Variants in MROH9 observed in about 807,000 individuals in gnomAD.
MROH9 encodes the protein maestro heat-like repeat-containing protein family member 9.
MROH9 carries 92 observed loss-of-function variants against 98.2 expected under a neutral mutation model. The ratio of observed to expected loss-of-function variants is 0.94; its 90% CI spans 0.79 to 1.11. The LOEUF is 1.11. Among genes scored for constraint, MROH9 ranks in the 50% most tolerant of loss-of-function variants. MROH9 has a pLI of 0.00. For missense variants in MROH9, 1,057 were observed against 1,014.8 expected, an observed-to-expected ratio of 1.04 and a Z score of -0.57; for synonymous variants, 397 against 368.9, an observed-to-expected ratio of 1.08 and a Z score of -0.87.
intron 20 of MROH9, among the ~76,000 whole-genome samples, chr1:171,058,514 A>G (rs1653918552): frequency 6.6e-6 from 1 of 152,152 alleles, no homozygotes; most frequent in Non-Finnish European, 1.5e-5. Context: ...CATTTCATAT[A>G]TGATCAAAAA....
intron 8 of MROH9, among the ~76,000 whole-genome samples, chr1:170,980,720 A>G (rs1033499345): frequency 3.3e-5 from 5 of 152,230 alleles, no homozygotes; most frequent in Admixed American, 2.6e-4. Flanking sequence ...CAAAGACTTC[A>G]TGAATAAAAC....
intron 2 of MROH9, among the ~76,000 whole-genome samples, chr1:170,946,101 T>C (rs1232755469): frequency 6.6e-6 from 1 of 151,450 alleles, no homozygotes; most frequent in Non-Finnish European, 1.5e-5. Flanking sequence ...ACAAAACAAA[T>C]CTAAGGAATG....
chr1:170,979,832 A>G (rs1357005713), intron 8 of MROH9, among the ~76,000 whole-genome samples: 2 of 152,200 alleles, frequency 1.3e-5, no homozygotes, highest in African/African-American at 4.8e-5. Flanking sequence ...TTTTATATTT[A>G]GAAAACCCCA....
intron 17 of MROH9, among the ~76,000 whole-genome samples, chr1:171,022,815 G>C (rs1652563297): frequency 6.6e-6 from 1 of 151,908 alleles, no homozygotes; most frequent in African/African-American, 2.4e-5. Context: ...TATACCAGGG[G>C]CTTTTCTAAA....
At chr1:170,965,790 C>G (rs903931961) in intron 7 of MROH9, among the ~76,000 whole-genome samples, 4 of 152,062 alleles carry the variant, frequency 2.6e-5, no homozygotes, top group African/African-American at 9.7e-5. Context: ...ATATAAAACA[C>G]ACACTGAAAT....
chr1:170,935,736 C>A (rs1381852908), intron 1 of MROH9, 149 bp downstream of exon 1: 2 of 151,810 alleles, frequency 1.3e-5, no homozygotes, highest in Non-Finnish European at 2.9e-5. Context: ...GTGGCTCACA[C>A]CTGTAATCCC....
At chr1:170,964,815 A>G (rs939108560) in intron 6 of MROH9, among the ~76,000 whole-genome samples, 8 of 152,098 alleles carry the variant, frequency 5.3e-5, no homozygotes, top group African/African-American at 1.7e-4. Context: ...GAGAATACAT[A>G]CTTTGAAAGA....
Position 170,942,337 on chromosome 1 carries a change from C to G in MROH9, c.-37-3183C>G, listed in dbSNP as rs113024870. Among the ~76,000 whole-genome samples the G allele has an allele frequency of 4.8e-3, 715 of 150,050 alleles. 6 individuals carry two copies. The highest frequency in any genetic ancestry group is 0.017 in the African/African-American group (678 of 40,690). ...TGCTTGGCAACTGCCTCAGGGGAGG[C>G]AATTACAGTTTCCTCCGGCAATGTA... On this transcript the variant is annotated intron_variant, in intron 1 of 21. Coordinates refer to ENST00000367759, the MANE Select transcript of MROH9 (RefSeq NM_001163629.2).
At chr1:171,014,095 C>A in intron 15 of MROH9, 22 bp from the exon 16 acceptor site, 1 of 1,544,488 alleles carries the variant, frequency 6.5e-7, no homozygotes, top group Non-Finnish European at 8.7e-7. Context: ...TGCTTATAAA[C>A]TTATTAACTA....
At chr1:170,980,902 G>A (rs570204012) in intron 8 of MROH9, among the ~76,000 whole-genome samples, 1 of 151,924 alleles carries the variant, frequency 6.6e-6, no homozygotes, top group East Asian at 1.9e-4. Context: ...GAATTTACAG[G>A]GAACTTAAAA....
At chr1:171,044,492 G>A (rs1653401669) in intron 20 of MROH9, among the ~76,000 whole-genome samples, 1 of 152,134 alleles carries the variant, frequency 6.6e-6, no homozygotes, top group East Asian at 1.9e-4. Context: ...GATATTGGAA[G>A]TATACCCTCC....
chr1:170,937,912 A>G (rs866809233), intron 1 of MROH9, among the ~76,000 whole-genome samples: 8 of 152,040 alleles, frequency 5.3e-5, no homozygotes, highest in African/African-American at 1.7e-4. Flanking sequence ...GTGGTTCTTT[A>G]CCTGCTAAAG....
intron 20 of MROH9, among the ~76,000 whole-genome samples, chr1:171,026,741 G>A (rs762439476): frequency 2.6e-5 from 4 of 152,130 alleles, no homozygotes; most frequent in Admixed American, 6.6e-5. Flanking sequence ...GGAAAAAAGA[G>A]ACAAAAGAAT....
chr1:170,977,542 G>A (rs983512742), intron 8 of MROH9, among the ~76,000 whole-genome samples: 3 of 152,122 alleles, frequency 2.0e-5, no homozygotes, highest in South Asian at 2.1e-4. Flanking sequence ...CTGGTCAATG[G>A]CACTTAGGCA....
At chr1:170,983,635 GTT>G (rs931767140) in intron 9 of MROH9, 101 bp downstream of exon 9, 1 of 699,894 alleles carries the variant, frequency 1.4e-6, no homozygotes, top group Non-Finnish European at 2.4e-6. Context: ...GTATTTTTTC[GTT>G]TTTTTTTAAA....
intron 12 of MROH9, among the ~76,000 whole-genome samples, chr1:170,993,493 A>T (rs79461732): frequency 6.6e-5 from 10 of 152,216 alleles, no homozygotes; most frequent in Admixed American, 3.9e-4. Context: ...GTTGCTGTTC[A>T]ACCATCAGTA....
At chr1:170,993,820 G>A (rs542088244) in intron 12 of MROH9, among the ~76,000 whole-genome samples, 1 of 151,996 alleles carries the variant, frequency 6.6e-6, no homozygotes, top group African/African-American at 2.4e-5. Context: ...CTATGCAATT[G>A]CCCATAATTT....
intron 3 of MROH9, among the ~76,000 whole-genome samples, chr1:170,951,569 T>C (rs1199120909): frequency 6.6e-6 from 1 of 152,070 alleles, no homozygotes; most frequent in Non-Finnish European, 1.5e-5. Context: ...GTAGAAACAG[T>C]TATTGCTAGC....
At chr1:170,955,350 G>A (rs1557872097) in intron 3 of MROH9, among the ~76,000 whole-genome samples, 2 of 152,036 alleles carry the variant, frequency 1.3e-5, no homozygotes, top group Non-Finnish European at 2.9e-5. Context: ...GTGGATTGCT[G>A]GATCAAATGG....
Sources: allele counts gnomAD v4.1 joint callset (sites outside exome capture counted in the v4.1 genomes callset), GRCh38; gene constraint gnomAD v4.1.1; transcripts MANE v1.5; gene names NCBI Gene and HGNC (gene_info 2026-07-23, HGNC 2026-07-21).